The following VRK1 variants were observed in gnomAD, a reference collection of about 807,000 sequenced individuals.
The protein encoded by VRK1 is serine/threonine-protein kinase VRK1.
VRK1 carries 33 observed loss-of-function variants against 57.1 expected under a neutral mutation model. The observed-to-expected ratio is 0.58, with a 90% confidence interval of 0.44 to 0.77. VRK1 has a LOEUF of 0.77. Ranked by LOEUF, VRK1 falls within the 30% of genes least tolerant of loss-of-function variation. The pLI is 0.00. For missense variants in VRK1, 413 were observed against 477.3 expected (o/e 0.87, Z 1.25); for synonymous variants, 137 against 147.8 (o/e 0.93, Z 0.53).
At chr14:96,855,621 T>C (rs939420575) in intron 8 of VRK1, among the ~76,000 whole-genome samples, 2 of 152,170 alleles carry the variant, frequency 1.3e-5, no homozygotes, top group African/African-American at 4.8e-5. Context: ...GATTTCTTTT[T>C]GGTTTTATTT....
chr14:96,817,033 T>C (rs182419341), intron 1 of VRK1, among the ~76,000 whole-genome samples: 2 of 152,322 alleles, frequency 1.3e-5, no homozygotes, highest in East Asian at 3.9e-4. Context: ...ATGTGTTGTC[T>C]GAGGTTTGCT....
At chr14:96,877,751 C>G (rs2139849817) in intron 12 of VRK1, 1 of 862,902 alleles carries the variant, frequency 1.2e-6, no homozygotes, top group East Asian at 1.2e-4. Flanking sequence ...AAGACTCATC[C>G]CTTTCTTGAC....
intron 11 of VRK1, among the ~76,000 whole-genome samples, chr14:96,871,472 G>C (rs1022068073): frequency 6.6e-6 from 1 of 152,208 alleles, no homozygotes; most frequent in Non-Finnish European, 1.5e-5. Context: ...GGACACTTAT[G>C]TAAGAACACT....
At chr14:96,859,379 G>T (rs76488535) in intron 10 of VRK1, among the ~76,000 whole-genome samples, 4 of 151,884 alleles carry the variant, frequency 2.6e-5, no homozygotes, top group Non-Finnish European at 4.4e-5. Flanking sequence ...TTTTCCTATC[G>T]TACTAGCTAA....
At chr14:96,863,200 A>G (rs551018398) in intron 11 of VRK1, among the ~76,000 whole-genome samples, 1 of 152,374 alleles carries the variant, frequency 6.6e-6, no homozygotes, top group South Asian at 2.1e-4. Context: ...TCAAGTATAC[A>G]TCTGCCCTTA....
chr14:96,840,115 A>T (rs958995899), intron 3 of VRK1, among the ~76,000 whole-genome samples: 5 of 152,122 alleles, frequency 3.3e-5, no homozygotes, highest in Non-Finnish European at 5.9e-5. Context: ...TTTTGGTAGC[A>T]GAGTTCTGTA....
At chr14:96,809,544 A>G (rs1231419523) in intron 1 of VRK1, among the ~76,000 whole-genome samples, 1 of 131,418 alleles carries the variant, frequency 7.6e-6, no homozygotes, top group African/African-American at 3.1e-5. Flanking sequence ...ATGTATATGC[A>G]TCTAGCTTGC....
chr14:96,855,203 T>G, intron 7 of VRK1, 21 bp from the exon 8 acceptor site: 1 of 1,613,916 alleles, frequency 6.2e-7, no homozygotes, highest in South Asian at 1.1e-5. Flanking sequence ...TTAGTTTGTC[T>G]TGGTGCTTGG....
intron 11 of VRK1, among the ~76,000 whole-genome samples, chr14:96,862,842 T>G (rs1409571256): frequency 6.6e-6 from 1 of 152,216 alleles, no homozygotes; most frequent in African/African-American, 2.4e-5. Context: ...TTCCTCTCTT[T>G]TCGTTTGTCA....
At chr14:96,826,236 GCTGA>G (rs1343336764) in intron 1 of VRK1, among the ~76,000 whole-genome samples, 1 of 152,102 alleles carries the variant, frequency 6.6e-6, no homozygotes, top group Non-Finnish European at 1.5e-5. Context: ...TATCATCAGA[GCTGA>G]CTATTAATTA....
chr14:96,815,316 A>C (rs1037859032), intron 1 of VRK1, among the ~76,000 whole-genome samples: 9 of 152,330 alleles, frequency 5.9e-5, no homozygotes, highest in South Asian at 4.1e-4. Context: ...ATAATATTCT[A>C]TCTCTCATCT....
rs536968573 is a variant in VRK1, at chr14:96,856,722, A to G, written c.889+136A>G. The stretch of plus-strand genomic sequence containing the variant: ...GGTGGCTCACACCTGTAATCCCAGC[A>G]CTTTGGGAGGCTGAGGTGGGTGGAT... On this transcript the variant is annotated intron_variant, in intron 10 of 12. Transcript: ENST00000216639. The G allele has an allele frequency of 1.1e-5, 8 of 751,100 alleles. No individual in the cohort carries two copies. In the African/African-American group the frequency reaches 1.4e-4, roughly 13 times the overall value. 46.5% of individuals were successfully genotyped at this position (751,100 alleles called of 1,614,324 possible).
At chr14:96,872,932 GAACAAAGA>G (rs1309563347) in intron 11 of VRK1, among the ~76,000 whole-genome samples, 1 of 152,080 alleles carries the variant, frequency 6.6e-6, no homozygotes, top group Non-Finnish European at 1.5e-5. Flanking sequence ...GCAGTGTTTA[GAACAAAGA>G]ACTTTGTTCT....
chr14:96,880,304 TTGA>T (rs1166458262), intron 12 of VRK1, among the ~76,000 whole-genome samples: 2 of 152,226 alleles, frequency 1.3e-5, no homozygotes, highest in Admixed American at 1.3e-4. Flanking sequence ...AAAAGAAGTA[TTGA>T]TCTTTTGTTT....
intron 5 of VRK1, among the ~76,000 whole-genome samples, chr14:96,852,282 G>GT (rs1216945855): frequency 6.6e-6 from 1 of 152,168 alleles, no homozygotes; most frequent in South Asian, 2.1e-4. Context: ...CAGGATATTT[G>GT]TTTTTCCCCA....
chr14:96,870,685 G>A (rs1566718764), intron 11 of VRK1, among the ~76,000 whole-genome samples: 1 of 152,172 alleles, frequency 6.6e-6, no homozygotes, highest in Non-Finnish European at 1.5e-5. Flanking sequence ...TTTCAAAAGT[G>A]TCATTAGGAG....
In VRK1 at chr14:96,866,200, T is replaced by C. The variant is rs1250465008; in HGVS notation, c.1068+5465T>C. On this transcript the variant is annotated intron_variant, in intron 11 of 12. Transcript: ENST00000216639. ...TATTGTATTTGTGAATCTTTGACTT[T>C]CCCATCTTTGAGAATGTTATTCTTT... 3.9e-5 allele frequency among the ~76,000 whole-genome samples: 6 copies of C among 152,290 alleles called. No individual in the cohort carries two copies. In the East Asian group the frequency reaches 1.2e-3, roughly 29 times the overall value.
chr14:96,871,901 A>G (rs1281581742), intron 11 of VRK1, among the ~76,000 whole-genome samples: 1 of 151,976 alleles, frequency 6.6e-6, no homozygotes, highest in African/African-American at 2.4e-5. Flanking sequence ...GCTCACTGCA[A>G]CCTCTGCCTC....
At chr14:96,819,328 A>G (rs2062103668) in intron 1 of VRK1, among the ~76,000 whole-genome samples, 1 of 152,218 alleles carries the variant, frequency 6.6e-6, no homozygotes, top group Admixed American at 6.5e-5. Context: ...ATCCTCAGAT[A>G]CGGTAGACTT....
Sources: allele counts gnomAD v4.1 joint callset (sites outside exome capture counted in the v4.1 genomes callset), GRCh38; gene constraint gnomAD v4.1.1; transcripts MANE v1.5; gene names NCBI Gene and HGNC (gene_info 2026-07-23, HGNC 2026-07-21).